Variants in SDHC observed in about 807,000 individuals in gnomAD.
The protein encoded by SDHC is succinate dehydrogenase cytochrome b560 subunit, mitochondrial.
A neutral mutation model predicts 22.6 loss-of-function variants in SDHC; 11 were observed. That is an observed-to-expected ratio of 0.49 (90% CI 0.31 to 0.81). SDHC has a LOEUF of 0.81. Among genes scored for constraint, SDHC ranks in the 30% least tolerant of loss-of-function variants. SDHC has a pLI of 0.05. For missense variants in SDHC, 160 were observed against 212.0 expected (o/e 0.75, Z 1.52); for synonymous variants, 80 against 77.8 (o/e 1.03, Z -0.15).
chr1:161,317,022 C>CTTTTTCTTTTT (rs1558160733), intron 1 of SDHC, among the ~76,000 whole-genome samples: 1 of 120,724 alleles, frequency 8.3e-6, no homozygotes, highest in African/African-American at 3.7e-5. Flanking sequence ...GGTTCTTTTT[C>CTTTTTCTTTTT]TTTTTTTTTT....
intron 1 of SDHC, among the ~76,000 whole-genome samples, chr1:161,315,274 T>C (rs566633911): frequency 2.6e-4 from 39 of 152,336 alleles, no homozygotes; most frequent in African/African-American, 8.9e-4. Flanking sequence ...AATCCCTGAT[T>C]TCCCCAAATG....
intron 1 of SDHC, among the ~76,000 whole-genome samples, chr1:161,319,467 G>C (rs895926946): frequency 1.3e-5 from 2 of 148,318 alleles, no homozygotes; most frequent in Non-Finnish European, 3.0e-5. Flanking sequence ...TTTTTTTTGA[G>C]ACTGAGTCTC....
At chr1:161,349,920 AT>A in intron 4 of SDHC, among the ~76,000 whole-genome samples, 1 of 152,020 alleles carries the variant, frequency 6.6e-6, no homozygotes, top group Non-Finnish European at 1.5e-5. Flanking sequence ...GTTTAAAAAA[AT>A]TTTTTTGAGA....
chr1:161,339,758 G>A (rs755692690), intron 3 of SDHC, among the ~76,000 whole-genome samples: 12 of 129,990 alleles, frequency 9.2e-5, no homozygotes, highest in Admixed American at 1.8e-4. Context: ...TTGGCTCACC[G>A]CAACCTCCAC....
Position 161,356,682 on chromosome 1 carries a change from T to A in SDHC, c.247T>A (p.Ser83Thr). Residue 83 changes from serine (S) to threonine (T), a missense_variant, in exon 5 of 6, where the codon TCT becomes ACT. By Grantham distance (58) the Ser-to-Thr change is moderately conservative (BLOSUM62 1). Transcript: ENST00000367975. Reference sequence around the variant, plus strand: ...CTACTTGGTTTTCTCCTCAGGGGTCTCTCTTTTTGGCATGTCGGCCCTGTT... The same window carrying A: ...CTACTTGGTTTTCTCCTCAGGGGTCACTCTTTTTGGCATGTCGGCCCTGTT... ...GTGIALSAGVSLFGMSALLLP... is the reference protein window; with the variant it reads ...GTGIALSAGVTLFGMSALLLP... 6.2e-7 allele frequency: 1 copy of A among 1,613,972 alleles called. No individual in the cohort carries two copies. The highest frequency in any genetic ancestry group is 8.5e-7 in the Non-Finnish European group (1 of 1,179,870).
In SDHC at chr1:161,344,071, C is replaced by T. The variant is rs1313848620; in HGVS notation, c.241+3416C>T. Among the ~76,000 whole-genome samples the T allele has an allele frequency of 6.1e-5, 9 of 147,360 alleles. No homozygotes were observed. The East Asian group carries it at 6.2e-4, about 10-fold the overall frequency. On this transcript the variant is annotated intron_variant, in intron 4 of 5. Transcript: ENST00000367975. ...TTGGGAGGCTGAGGTGGGCAGATCA[C>T]GAGGTCAGATCGAGACCATCCTGGC... is the stretch of plus-strand genomic sequence containing the variant.
intron 2 of SDHC, among the ~76,000 whole-genome samples, chr1:161,324,991 A>G (rs1670996062): frequency 1.3e-5 from 2 of 152,198 alleles, no homozygotes; most frequent in Admixed American, 1.3e-4. Flanking sequence ...GCTTGAGGCC[A>G]GGAGTTCAAG....
At position 161,363,048 on chromosome 1, in the gene SDHC, G is replaced by A. The variant is rs1211249557; in HGVS notation, c.*615G>A. ...AGAAAATATATAGCTTTGGACACGA[G>A]GAAGATCTAGAAAATTATCATTGAA... On this transcript the variant is annotated 3_prime_UTR_variant, in exon 6 of 6. Coordinates refer to ENST00000367975, the MANE Select transcript of SDHC (RefSeq NM_003001.5). 2 of 242,350 alleles carry A rather than the reference G, an allele frequency of 8.3e-6. No individual in the cohort carries two copies. Among genetic ancestry groups the A allele is most frequent in the Admixed American group, 5.0e-5 (1 of 19,928 alleles). 15.0% of individuals were successfully genotyped at this position (242,350 alleles called of 1,614,324 possible). A position where few individuals can be genotyped will look rare whatever the true frequency, so the allele number is the denominator to read the frequency against.
At chr1:161,334,169 G>C (rs1430088596) in intron 3 of SDHC, among the ~76,000 whole-genome samples, 1 of 152,116 alleles carries the variant, frequency 6.6e-6, no homozygotes, top group African/African-American at 2.4e-5. Flanking sequence ...GCCTTTCCTA[G>C]CTTCTAGAGG....
At chr1:161,340,485 GA>G (rs968882090) in intron 3 of SDHC, 108 bp from the exon 4 acceptor site, 139 of 832,460 alleles carry the variant, frequency 1.7e-4, no homozygotes, top group African/African-American at 1.6e-3. Flanking sequence ...AAAAAAAAAA[GA>G]AAAAAAAGTG....
chr1:161,343,009 G>C (rs997197043), intron 4 of SDHC, among the ~76,000 whole-genome samples: 3 of 152,180 alleles, frequency 2.0e-5, no homozygotes, highest in Non-Finnish European at 4.4e-5. Flanking sequence ...GTCTTGCCAG[G>C]AGATGGCCCA....
At chr1:161,315,784 C>T (rs1207488323) in intron 1 of SDHC, among the ~76,000 whole-genome samples, 1 of 151,904 alleles carries the variant, frequency 6.6e-6, no homozygotes, top group Non-Finnish European at 1.5e-5. Flanking sequence ...AAGAAAGAGA[C>T]ACAGACAAAG....
At chr1:161,358,996 T>C (rs1260112833) in intron 5 of SDHC, among the ~76,000 whole-genome samples, 1 of 151,382 alleles carries the variant, frequency 6.6e-6, no homozygotes, top group Non-Finnish European at 1.5e-5. Flanking sequence ...TCCCAGCTAC[T>C]TGGGAGGCTG....
chr1:161,354,088 T>C (rs55698724), intron 4 of SDHC, among the ~76,000 whole-genome samples: 17,795 of 151,960 alleles, frequency 0.12, 1,412 homozygotes, highest in African/African-American at 0.22. Context: ...TGGGCCCGAG[T>C]AATCCTCCCA....
At chr1:161,324,063 C>T (rs533823134) in intron 2 of SDHC, among the ~76,000 whole-genome samples, 38 of 152,146 alleles carry the variant, frequency 2.5e-4, no homozygotes, top group African/African-American at 7.5e-4. Flanking sequence ...TGGATATGTA[C>T]GACAGTGGGC....
chr1:161,340,072 G>A (rs1356448575), intron 3 of SDHC, among the ~76,000 whole-genome samples: 1 of 152,200 alleles, frequency 6.6e-6, no homozygotes, highest in South Asian at 2.1e-4. Flanking sequence ...CGAGGTGGGC[G>A]GATCATGAGA....
intron 3 of SDHC, among the ~76,000 whole-genome samples, chr1:161,336,538 C>T (rs1430617543): frequency 6.6e-6 from 1 of 151,914 alleles, no homozygotes; most frequent in Non-Finnish European, 1.5e-5. Flanking sequence ...ATATTTAAAG[C>T]CGTGGCCTTT....
Position 161,362,473 on chromosome 1 carries a change from A to G in SDHC, c.*40A>G. On this transcript the variant is annotated 3_prime_UTR_variant, in exon 6 of 6. Transcript: ENST00000367975. ...CAGCATCATCTTCCTACACATTATT[A>G]CATTCACCCATCTTTCTGTTTGTCA... 1 of 1,612,152 alleles carries G rather than the reference A, an allele frequency of 6.2e-7. No individual in the cohort carries two copies. The highest frequency in any genetic ancestry group is 1.1e-5 in the South Asian group (1 of 90,924).
At chr1:161,336,420 A>G (rs1671483977) in intron 3 of SDHC, among the ~76,000 whole-genome samples, 2 of 151,936 alleles carry the variant, frequency 1.3e-5, no homozygotes, top group African/African-American at 2.4e-5. Context: ...GCGCCACTGC[A>G]CTGTAGCCTG....
Sources: gnomAD v4.1 joint callset for allele counts (sites outside exome capture counted in the v4.1 genomes callset) on GRCh38, gnomAD v4.1.1 for gene constraint, MANE v1.5 for transcripts, NCBI Gene and HGNC (gene_info 2026-07-23, HGNC 2026-07-21) for gene names.